The following TMEM163 variants were observed in gnomAD, a reference collection of about 807,000 sequenced individuals.
TMEM163 encodes the protein transmembrane protein 163.
TMEM163 carries 17 observed loss-of-function variants against 29.3 expected under a neutral mutation model. The observed-to-expected ratio is 0.58, with a 90% CI of 0.40 to 0.87. The LOEUF (loss-of-function observed/expected upper bound fraction) is 0.87. Ranked by LOEUF, TMEM163 falls within the 40% of genes least tolerant of loss-of-function variation. The pLI is 0.00. For synonymous variants in TMEM163, 157 were observed against 160.6 expected, an observed-to-expected ratio of 0.98 and a Z score of 0.17; for missense variants, 303 against 381.5, an observed-to-expected ratio of 0.79 and a Z score of 1.71.
intron 5 of TMEM163, among the ~76,000 whole-genome samples, chr2:134,481,133 T>G (rs1687044124): frequency 6.6e-6 from 1 of 152,124 alleles, no homozygotes; most frequent in Admixed American, 6.5e-5. Context: ...CAACATCATG[T>G]TTTTGAGATT....
intron 2 of TMEM163, among the ~76,000 whole-genome samples, chr2:134,622,832 G>T (rs1045270549): frequency 6.6e-6 from 1 of 151,750 alleles, no homozygotes; most frequent in Non-Finnish European, 1.5e-5. Flanking sequence ...ACACGATCTC[G>T]GCTCACTGCA....
chr2:134,567,967 T>C (rs1681334605), intron 2 of TMEM163, among the ~76,000 whole-genome samples: 1 of 152,226 alleles, frequency 6.6e-6, no homozygotes, highest in South Asian at 2.1e-4. Flanking sequence ...TGAAAACCTA[T>C]GTGTTTCTCC....
intron 1 of TMEM163, among the ~76,000 whole-genome samples, chr2:134,716,865 T>C (rs1685049621): frequency 6.6e-6 from 1 of 152,232 alleles, no homozygotes; most frequent in Non-Finnish European, 1.5e-5. Flanking sequence ...AACAAAAGAA[T>C]GTCACATTGA....
chr2:134,492,958 C>T (rs1383695240), intron 5 of TMEM163, among the ~76,000 whole-genome samples: 1 of 152,198 alleles, frequency 6.6e-6, no homozygotes, highest in Non-Finnish European at 1.5e-5. Context: ...ATTTTACTCT[C>T]TCACCATCAG....
intron 2 of TMEM163, among the ~76,000 whole-genome samples, chr2:134,564,447 T>C (rs1289213957): frequency 6.6e-6 from 1 of 152,188 alleles, no homozygotes; most frequent in Non-Finnish European, 1.5e-5. Flanking sequence ...AATATTGGCA[T>C]GGAGTTTCAT....
At chr2:134,518,653 C>T (rs1239306710) in intron 4 of TMEM163, among the ~76,000 whole-genome samples, 1 of 152,172 alleles carries the variant, frequency 6.6e-6, no homozygotes, top group Non-Finnish European at 1.5e-5. Flanking sequence ...TACTTTCTAG[C>T]ACGGTCCCAA....
chr2:134,626,864 G>A, intron 2 of TMEM163, among the ~76,000 whole-genome samples: 1 of 152,136 alleles, frequency 6.6e-6, no homozygotes, highest in East Asian at 1.9e-4. Context: ...ACTATACTGT[G>A]TAAATATTTA....
intron 2 of TMEM163, among the ~76,000 whole-genome samples, chr2:134,618,049 G>A (rs1481579945): frequency 6.6e-6 from 1 of 152,056 alleles, no homozygotes; most frequent in African/African-American, 2.4e-5. Flanking sequence ...AGGAAGTTGA[G>A]GCTGCAGTGA....
chr2:134,672,501 C>A (rs1208798517), intron 2 of TMEM163, among the ~76,000 whole-genome samples: 4 of 152,144 alleles, frequency 2.6e-5, no homozygotes, highest in African/African-American at 9.7e-5. Flanking sequence ...CTCACCTTAG[C>A]CTCCCCAGTA....
At chr2:134,488,609 T>C (rs1679365010) in intron 5 of TMEM163, among the ~76,000 whole-genome samples, 1 of 152,202 alleles carries the variant, frequency 6.6e-6, no homozygotes, top group Non-Finnish European at 1.5e-5. Context: ...AGCTTGCAGA[T>C]GGCCTATTGT....
chr2:134,602,064 A>G (rs1264768371), intron 2 of TMEM163, among the ~76,000 whole-genome samples: 1 of 152,226 alleles, frequency 6.6e-6, no homozygotes, highest in Non-Finnish European at 1.5e-5. Flanking sequence ...CCTGCAGCTG[A>G]AAGCAATCTC....
intron 2 of TMEM163, among the ~76,000 whole-genome samples, chr2:134,653,704 A>C (rs1683534510): frequency 1.2e-5 from 1 of 83,980 alleles, no homozygotes; most frequent in Non-Finnish European, 2.3e-5. Context: ...ATTTCCCTCT[A>C]CACACTGCTT....
intron 2 of TMEM163, among the ~76,000 whole-genome samples, chr2:134,706,244 C>G (rs1684809343): frequency 6.6e-6 from 1 of 152,190 alleles, no homozygotes; most frequent in Non-Finnish European, 1.5e-5. Flanking sequence ...TGAGCTCCTG[C>G]ATCCCCACCA....
At chr2:134,596,470 G>A (rs1329454735) in intron 2 of TMEM163, among the ~76,000 whole-genome samples, 2 of 152,108 alleles carry the variant, frequency 1.3e-5, no homozygotes, top group Admixed American at 6.6e-5. Context: ...CCATTGGTCT[G>A]TATCTCTGTT....
intron 4 of TMEM163, among the ~76,000 whole-genome samples, chr2:134,541,817 G>T (rs919515530): frequency 4.6e-5 from 7 of 151,518 alleles, no homozygotes; most frequent in African/African-American, 1.7e-4. Context: ...CACACACGGA[G>T]CATACATCAA....
intron 2 of TMEM163, among the ~76,000 whole-genome samples, chr2:134,689,882 C>T (rs1435128901): frequency 6.6e-6 from 1 of 152,102 alleles, no homozygotes; most frequent in African/African-American, 2.4e-5. Context: ...GCATGCAGAG[C>T]CCAAAAGTAA....
chr2:134,718,911 G>T lies in TMEM163; in HGVS notation c.25C>A (p.Arg9Ser). The T allele has an allele frequency of 2.8e-6, 3 of 1,073,290 alleles. No homozygotes were observed. The highest frequency in any genetic ancestry group is 3.4e-6 in the Non-Finnish European group (3 of 888,358). The allele number at this position is 1,073,290 out of a possible 1,614,324, so 66.5% of individuals were successfully genotyped here. A position where few individuals can be genotyped will look rare whatever the true frequency, so the allele number is the denominator to read the frequency against. MEPAAGIQ[R>S]RSSQGPTVPP... ...ACGGTGGGCCCCTGGGAGCTGCGGC[G>T]CTGGATGCCCGCGGCCGGCTCCATG... The change falls in exon 1 of 8, where the codon CGC (arginine) becomes AGC (serine). Residue 9 changes from arginine (R) to serine (S), a missense_variant. Physicochemically the swap from Arg to Ser is moderately radical, Grantham distance 110. Coordinates refer to ENST00000281924, the MANE Select transcript of TMEM163 (RefSeq NM_030923.5).
chr2:134,533,297 G>A (rs1289150205), intron 4 of TMEM163, among the ~76,000 whole-genome samples: 2 of 152,208 alleles, frequency 1.3e-5, no homozygotes, highest in East Asian at 1.9e-4. Flanking sequence ...GAAAGCACCA[G>A]GATCCAGAAC....
At chr2:134,630,689 C>A (rs1388765456) in intron 2 of TMEM163, among the ~76,000 whole-genome samples, 1 of 152,186 alleles carries the variant, frequency 6.6e-6, no homozygotes, top group Non-Finnish European at 1.5e-5. Context: ...GTCCTCTCCC[C>A]TGGGCCCCTC....
Sources: allele counts gnomAD v4.1 joint callset (sites outside exome capture counted in the v4.1 genomes callset), GRCh38; gene constraint gnomAD v4.1.1; transcripts MANE v1.5; gene names NCBI Gene and HGNC (gene_info 2026-07-23, HGNC 2026-07-21).